The following TC2N variants were observed in gnomAD, a reference collection of about 807,000 sequenced individuals.
The protein encoded by TC2N is tandem C2 domains, nuclear.
Under a neutral mutation model 61.9 loss-of-function variants are expected in TC2N, and 51 were observed. The observed-to-expected ratio is 0.82, with a 90% confidence interval of 0.66 to 1.04. The LOEUF is 1.04. Ranked by LOEUF, TC2N falls within the 50% of genes least tolerant of loss-of-function variation. The pLI is 0.00. For synonymous variants in TC2N, 204 were observed against 192.6 expected (o/e 1.06, Z -0.49); for missense variants, 556 against 566.7 (o/e 0.98, Z 0.19).
intron 1 of TC2N, among the ~76,000 whole-genome samples, chr14:91,842,862 A>G (rs903102299): frequency 5.9e-5 from 9 of 152,198 alleles, no homozygotes; most frequent in African/African-American, 2.2e-4. Flanking sequence ...AGTAGGTTAC[A>G]GTATTGGCCC....
chr14:91,857,896 A>G (rs1427238411), intron 1 of TC2N, among the ~76,000 whole-genome samples: 1 of 152,212 alleles, frequency 6.6e-6, no homozygotes, highest in East Asian at 1.9e-4. Context: ...ATGCAGGGAT[A>G]TTTAACCAGC....
At chr14:91,790,666 TTATA>T (rs1885600143) in intron 9 of TC2N, among the ~76,000 whole-genome samples, 2 of 152,240 alleles carry the variant, frequency 1.3e-5, no homozygotes, top group Admixed American at 1.3e-4. Context: ...AGTTCTCTTC[TTATA>T]TACTCTGTTT....
chr14:91,820,998 T>C (rs1887223888), intron 1 of TC2N, among the ~76,000 whole-genome samples: 2 of 152,046 alleles, frequency 1.3e-5, no homozygotes, highest in South Asian at 4.1e-4. Context: ...GATTGGAAGA[T>C]GTAATATCAT....
rs141387697 is a variant in TC2N, at chr14:91,818,179, A to G, written c.-56-4354T>C. On this transcript the variant is annotated intron_variant, in intron 1 of 11. Transcript: ENST00000435962. Reference sequence around the variant, plus strand: ...GGAGAATAAGGCAGCGAGAGTTTGCATAACAGACTACTGTAGAATAAAGAG... The same window carrying G: ...GGAGAATAAGGCAGCGAGAGTTTGCGTAACAGACTACTGTAGAATAAAGAG... 3.4e-4 allele frequency among the ~76,000 whole-genome samples: 52 copies of G among 152,282 alleles called. No individual in the cohort carries two copies. In the East Asian group the frequency reaches 9.8e-3, roughly 29 times the overall value.
At chr14:91,835,609 AGT>A (rs1419102772) in intron 1 of TC2N, among the ~76,000 whole-genome samples, 1 of 152,234 alleles carries the variant, frequency 6.6e-6, no homozygotes, top group Non-Finnish European at 1.5e-5. Context: ...GTTCATCCAC[AGT>A]ATCTTCCTCT....
At chr14:91,805,206 T>C (rs952880489) in intron 3 of TC2N, among the ~76,000 whole-genome samples, 3 of 152,084 alleles carry the variant, frequency 2.0e-5, no homozygotes, top group Non-Finnish European at 4.4e-5. Context: ...CCTAGGCTAA[T>C]GTGGATGTTT....
intron 1 of TC2N, among the ~76,000 whole-genome samples, chr14:91,825,668 G>A (rs976664295): frequency 3.9e-5 from 6 of 152,226 alleles, no homozygotes; most frequent in Admixed American, 6.5e-5. Flanking sequence ...TTTGAACTAC[G>A]TTAGGGTAGG....
At chr14:91,864,178 A>G (rs546612003) in intron 1 of TC2N, among the ~76,000 whole-genome samples, 9 of 152,322 alleles carry the variant, frequency 5.9e-5, no homozygotes, top group African/African-American at 2.2e-4. Flanking sequence ...GGAACCAAAC[A>G]TCTCGCAACT....
chr14:91,858,784 T>C (rs1256124637), intron 1 of TC2N, among the ~76,000 whole-genome samples: 3 of 152,156 alleles, frequency 2.0e-5, no homozygotes, highest in Admixed American at 1.3e-4. Context: ...ACTGACCCCC[T>C]GCGAGTGGAT....
chr14:91,861,599 G>A (rs1479794269), intron 1 of TC2N, among the ~76,000 whole-genome samples: 1 of 152,160 alleles, frequency 6.6e-6, no homozygotes, highest in East Asian at 1.9e-4. Context: ...GGAAGTGGAG[G>A]GAAGCAAAGG....
intron 1 of TC2N, among the ~76,000 whole-genome samples, chr14:91,864,319 C>T (rs940064567): frequency 2.0e-5 from 3 of 152,128 alleles, no homozygotes; most frequent in Non-Finnish European, 4.4e-5. Flanking sequence ...TATTTCCATG[C>T]TTGTAGGGGA....
intron 1 of TC2N, among the ~76,000 whole-genome samples, chr14:91,856,142 T>G (rs929778899): frequency 6.6e-6 from 1 of 152,084 alleles, no homozygotes; most frequent in African/African-American, 2.4e-5. Flanking sequence ...ACCAGCTCTT[T>G]GGGGTCAGGG....
chr14:91,780,273 A>C lies in TC2N; in HGVS notation c.*2827T>G, dbSNP rs573981374. The C allele has an allele frequency of 1.3e-5, 2 of 152,384 alleles. No individual in the cohort carries two copies. The highest frequency in any genetic ancestry group is 4.1e-4 in the South Asian group (2 of 4,834). The allele number at this position is 152,384 out of a possible 1,614,324, so 9.4% of individuals were successfully genotyped here. A position where few individuals can be genotyped will look rare whatever the true frequency, so the allele number is the denominator to read the frequency against. ...TAAGCAAGTATTTGATTAAACAAAA[A>C]TGGAAAATGTTACTAGGAGATATAG... is the stretch of plus-strand genomic sequence containing the variant. On this transcript the variant is annotated 3_prime_UTR_variant, in exon 12 of 12. Coordinates refer to ENST00000435962, the MANE Select transcript of TC2N (RefSeq NM_001128596.3).
At chr14:91,838,594 G>C (rs57799350) in intron 1 of TC2N, among the ~76,000 whole-genome samples, 1 of 152,334 alleles carries the variant, frequency 6.6e-6, no homozygotes, top group African/African-American at 2.4e-5. Flanking sequence ...GAAATGTGCT[G>C]AATGAATGAA....
At chr14:91,823,246 C>T (rs1887337722) in intron 1 of TC2N, among the ~76,000 whole-genome samples, 1 of 151,962 alleles carries the variant, frequency 6.6e-6, no homozygotes, top group Admixed American at 6.6e-5. Flanking sequence ...AGGGGCCAGG[C>T]ATGGTGGCTC....
chr14:91,859,306 A>T (rs1400563732), intron 1 of TC2N, among the ~76,000 whole-genome samples: 1 of 151,894 alleles, frequency 6.6e-6, no homozygotes, highest in African/African-American at 2.4e-5. Flanking sequence ...ATAAAAATTA[A>T]AAAAAAAGAA....
chr14:91,836,325 T>A (rs1888002505), intron 1 of TC2N: 1 of 152,008 alleles, frequency 6.6e-6, no homozygotes, highest in Non-Finnish European at 1.5e-5. Context: ...GGTCTCCACG[T>A]CCCACGCCCG....
chr14:91,829,999 T>C (rs767868981), intron 1 of TC2N, among the ~76,000 whole-genome samples: 3 of 152,032 alleles, frequency 2.0e-5, no homozygotes, highest in African/African-American at 7.2e-5. Flanking sequence ...AAAACCATAA[T>C]GAGATACCAC....
At chr14:91,840,634 A>G (rs941313416) in intron 1 of TC2N, among the ~76,000 whole-genome samples, 7 of 152,134 alleles carry the variant, frequency 4.6e-5, no homozygotes, top group Non-Finnish European at 8.8e-5. Flanking sequence ...ATCCAGTGTT[A>G]CTCAAAGTCT....
Sources: gnomAD v4.1 joint callset for allele counts (sites outside exome capture counted in the v4.1 genomes callset) on GRCh38, gnomAD v4.1.1 for gene constraint, MANE v1.5 for transcripts, NCBI Gene and HGNC (gene_info 2026-07-23, HGNC 2026-07-21) for gene names.